The following BRD3 variants were observed in gnomAD, a reference collection of about 807,000 sequenced individuals.
The protein encoded by BRD3 is bromodomain-containing protein 3.
A neutral mutation model predicts 66.8 loss-of-function variants in BRD3; 17 were observed. The observed-to-expected ratio is 0.25, with a 90% CI of 0.17 to 0.38. The LOEUF is 0.38. BRD3 is among the 10% of genes least tolerant of loss of function. The pLI, the probability that BRD3 is intolerant of heterozygous loss-of-function variation, is 1.00. For synonymous variants in BRD3, 421 were observed against 393.2 expected, an observed-to-expected ratio of 1.07 and a Z score of -0.84; for missense variants, 713 against 956.1, an observed-to-expected ratio of 0.75 and a Z score of 3.35.
At chr9:134,050,640 A>G (rs1179086113) in intron 4 of BRD3, 52 bp from the exon 5 acceptor site, 1 of 1,467,510 alleles carries the variant, frequency 6.8e-7, no homozygotes, top group South Asian at 1.2e-5. Flanking sequence ...TAGTATTTCC[A>G]GAAGCTTCCA....
Position 134,034,599 on chromosome 9 carries a change from G to C in BRD3, c.2065+102C>G, listed in dbSNP as rs976977440. On this transcript the variant is annotated intron_variant, in intron 11 of 11. Coordinates refer to ENST00000303407, the MANE Select transcript of BRD3 (RefSeq NM_007371.4). ...TCTAAGAACATGGAGCTCATCAGGAGGTAAGCCACACTCAGACGTGGGCCT... is the reference window on the plus strand; with the variant it reads ...TCTAAGAACATGGAGCTCATCAGGACGTAAGCCACACTCAGACGTGGGCCT... 4 of 1,485,330 alleles carry C rather than the reference G, an allele frequency of 2.7e-6. No homozygotes were observed. The African/African-American group carries it at 5.6e-5, about 21-fold the overall frequency. 92.0% of individuals were successfully genotyped at this position (1,485,330 alleles called of 1,614,324 possible). A position where few individuals can be genotyped will look rare whatever the true frequency, so the allele number is the denominator to read the frequency against.
At chr9:134,067,376 G>C (rs1830684079) in intron 1 of BRD3, among the ~76,000 whole-genome samples, 1 of 150,174 alleles carries the variant, frequency 6.7e-6, no homozygotes, top group Non-Finnish European at 1.5e-5. Context: ...CGCGGCGCGC[G>C]GCGACGGTCC....
Position 134,041,686 on chromosome 9 carries a change from G to C in BRD3, c.1407+74C>G, listed in dbSNP as rs1830050531. Reference sequence around the variant, plus strand: ...GGGCAGAGGAAGGAACCATGCAAAGGGACGGACCTTGGGCTGCTGTGCCAG... The same window carrying C: ...GGGCAGAGGAAGGAACCATGCAAAGCGACGGACCTTGGGCTGCTGTGCCAG... On this transcript the variant is annotated intron_variant, in intron 8 of 11. Transcript: ENST00000303407. The C allele has an allele frequency of 3.9e-6, 6 of 1,526,972 alleles. No individual in the cohort carries two copies. In the East Asian group the frequency reaches 1.4e-4, roughly 36 times the overall value. 94.6% of individuals were successfully genotyped at this position (1,526,972 alleles called of 1,614,324 possible).
intron 9 of BRD3, among the ~76,000 whole-genome samples, chr9:134,038,741 C>G (rs1298404990): frequency 6.6e-6 from 1 of 152,142 alleles, no homozygotes; most frequent in African/African-American, 2.4e-5. Flanking sequence ...CTCACTGGAG[C>G]ATTTCAGATT....
intron 7 of BRD3, among the ~76,000 whole-genome samples, chr9:134,043,689 G>A (rs1830108398): frequency 6.6e-6 from 1 of 152,084 alleles, no homozygotes; most frequent in Non-Finnish European, 1.5e-5. Context: ...TTGCTAAATA[G>A]TGCTCAGTCA....
chr9:134,041,796 C>T lies in BRD3; in HGVS notation c.1371G>A (p.Glu457=), dbSNP rs746796071. The T allele has an allele frequency of 6.2e-7, 1 of 1,612,494 alleles. No homozygotes were observed. The highest frequency in any genetic ancestry group is 8.5e-7 in the Non-Finnish European group (1 of 1,179,860). Residue 457 remains glutamate, a synonymous_variant, in exon 8 of 12, where the codon GAG becomes GAA. Coordinates refer to ENST00000303407, the MANE Select transcript of BRD3 (RefSeq NM_007371.4). ...SSDSGSSDSE[E]ERATRLAELQ... ...GCTCCGCCAGCCTGGTGGCCCGCTC[C>T]TCCTCCGAGTCCGAGCTGCCTGAGT...
intron 5 of BRD3, among the ~76,000 whole-genome samples, chr9:134,049,597 G>T (rs1306341706): frequency 1.3e-5 from 2 of 152,250 alleles, no homozygotes; most frequent in African/African-American, 2.4e-5. Flanking sequence ...CACTGGGGGA[G>T]GCGGCTTGAC....
rs1830342751 is a variant in BRD3, at chr9:134,053,334, C to T, written c.144G>A (p.Lys48=). The T allele has an allele frequency of 6.2e-7, 1 of 1,613,482 alleles. No homozygotes were observed. The highest frequency in any genetic ancestry group is 1.3e-5 in the African/African-American group (1 of 74,908). The change falls in exon 2 of 12, where the codon AAG becomes AAA. Residue 48 remains lysine (K), a synonymous_variant. Coordinates refer to ENST00000303407, the MANE Select transcript of BRD3 (RefSeq NM_007371.4). ...QLQYMQNVVV[K]TLWKHQFAWP... is the part of the protein sequence containing the mutation. ...AGGCGAACTGGTGTTTCCAGAGCGT[C>T]TTCACCACCACATTCTGCATGTACT...
intron 5 of BRD3, among the ~76,000 whole-genome samples, chr9:134,048,936 G>A (rs547100375): frequency 6.6e-4 from 100 of 152,306 alleles, no homozygotes; most frequent in African/African-American, 2.2e-3. Context: ...CAAGTTTTGC[G>A]GGACAAGAGG....
intron 6 of BRD3, among the ~76,000 whole-genome samples, chr9:134,047,159 T>G (rs1186109097): frequency 6.6e-6 from 1 of 152,218 alleles, no homozygotes; most frequent in Non-Finnish European, 1.5e-5. Flanking sequence ...CTGCCCGAGA[T>G]CCAGTCAATC....
At chr9:134,064,489 G>A (rs894123995) in intron 1 of BRD3, among the ~76,000 whole-genome samples, 2 of 152,104 alleles carry the variant, frequency 1.3e-5, no homozygotes, top group African/African-American at 4.8e-5. Flanking sequence ...TGCAGTGAAG[G>A]GAAATCATGC....
chr9:134,035,960 A>C, intron 10 of BRD3, 72 bp downstream of exon 10: 1 of 1,532,564 alleles, frequency 6.5e-7, no homozygotes, highest in Non-Finnish European at 8.8e-7. Flanking sequence ...AGGGTCCGTG[A>C]GGAGTGACAG....
At chr9:134,058,016 T>A in intron 1 of BRD3, 1 of 152,300 alleles carries the variant, frequency 6.6e-6, no homozygotes, top group African/African-American at 2.4e-5. Context: ...GAGGGAGGCA[T>A]GGAGCGCCCG....
At chr9:134,066,799 G>T (rs988367504) in intron 1 of BRD3, among the ~76,000 whole-genome samples, 1 of 152,232 alleles carries the variant, frequency 6.6e-6, no homozygotes, top group African/African-American at 2.4e-5. Flanking sequence ...ATGTAAGGGG[G>T]AGAAATCCCA....
Position 134,045,548 on chromosome 9 carries a change from T to C in BRD3, c.1087-127A>G, listed in dbSNP as rs951845262. ...AGCTCCAGGGCAGTGCCTACTGGCC[T>C]GGCCGGCAGGACACCCCAGCTCTCT... On this transcript the variant is annotated intron_variant, in intron 6 of 11. Transcript: ENST00000303407. This position sits in a 1 kb window ranked among gnomAD's most constrained non-coding sequence, Gnocchi z 4.8. 2 of 1,392,466 alleles carry C rather than the reference T, an allele frequency of 1.4e-6. No individual in the cohort carries two copies. Among genetic ancestry groups the C allele is most frequent in the Non-Finnish European group, 9.9e-7 (1 of 1,013,878 alleles). The allele number at this position is 1,392,466 out of a possible 1,614,324, so 86.3% of individuals were successfully genotyped here.
At chr9:134,037,870 T>G (rs1325469858) in intron 9 of BRD3, among the ~76,000 whole-genome samples, 1 of 152,120 alleles carries the variant, frequency 6.6e-6, no homozygotes, top group Non-Finnish European at 1.5e-5. Flanking sequence ...AAAAGGCTAA[T>G]AGAGAAATAC....
At chr9:134,057,803 C>G (rs965022787) in intron 1 of BRD3, 1 of 152,690 alleles carries the variant, frequency 6.5e-6, no homozygotes, top group African/African-American at 2.4e-5. Context: ...CCACCCTCAA[C>G]GGCCAGCAAG....
intron 8 of BRD3, among the ~76,000 whole-genome samples, chr9:134,040,884 C>T (rs1201432843): frequency 3.9e-5 from 6 of 152,214 alleles, no homozygotes; most frequent in South Asian, 2.1e-4. Context: ...TTGTGCCAAG[C>T]GCCTCGCCCT....
At chr9:134,062,953 TA>T (rs910881546) in intron 1 of BRD3, among the ~76,000 whole-genome samples, 2 of 152,142 alleles carry the variant, frequency 1.3e-5, no homozygotes, top group African/African-American at 4.8e-5. Flanking sequence ...CCGCACTTCC[TA>T]AAACAAAGCT....
Sources: allele counts gnomAD v4.1 joint callset (sites outside exome capture counted in the v4.1 genomes callset), GRCh38; gene constraint gnomAD v4.1.1; non-coding constraint Gnocchi (gnomAD v3.1); transcripts MANE v1.5; gene names NCBI Gene and HGNC (gene_info 2026-07-23, HGNC 2026-07-21).